Variants in CACNA2D1 observed in about 807,000 individuals in gnomAD.
CACNA2D1 encodes the protein calcium voltage-gated channel auxiliary subunit alpha2delta 1, also known as voltage-dependent calcium channel subunit alpha-2/delta-1.
In CACNA2D1, 53 loss-of-function variants were observed where a neutral mutation model predicts 171.5. The ratio of observed to expected loss-of-function variants is 0.31; its 90% CI spans 0.25 to 0.39. The LOEUF (loss-of-function observed/expected upper bound fraction) is 0.39. Ranked by LOEUF, CACNA2D1 falls within the 10% of genes least tolerant of loss-of-function variation. The probability of loss-of-function intolerance (pLI) is 1.00; values close to 1 mark genes in which losing one functional copy is unlikely to be tolerated. For missense variants in CACNA2D1, 903 were observed against 1,299.8 expected (o/e 0.69, Z 4.69); for synonymous variants, 442 against 443.1 (o/e 1.00, Z 0.03).
At chr7:82,219,443 A>G (rs114232812) in intron 3 of CACNA2D1, among the ~76,000 whole-genome samples, 4,351 of 152,202 alleles carry the variant, frequency 0.029, 195 homozygotes, top group African/African-American at 0.1. Flanking sequence ...AATATTAACA[A>G]AAAATCATTA....
At chr7:82,117,441 C>A (rs770016633) in intron 5 of CACNA2D1, among the ~76,000 whole-genome samples, 2 of 152,032 alleles carry the variant, frequency 1.3e-5, no homozygotes, top group African/African-American at 2.4e-5. Flanking sequence ...CTTTGGGGGA[C>A]GAGGGAGACC....
intron 4 of CACNA2D1, among the ~76,000 whole-genome samples, chr7:82,137,870 T>A (rs930288594): frequency 2.6e-5 from 4 of 151,604 alleles, no homozygotes; most frequent in African/African-American, 9.7e-5. Context: ...AAAAAAAAAA[T>A]TTATTAAAAG....
chr7:82,235,523 T>C (rs1273881052), intron 3 of CACNA2D1, among the ~76,000 whole-genome samples: 1 of 152,146 alleles, frequency 6.6e-6, no homozygotes, highest in Non-Finnish European at 1.5e-5. Flanking sequence ...CCTCACATTA[T>C]CACTTTAAAT....
At chr7:82,106,231 C>T (rs1014623573) in intron 6 of CACNA2D1, among the ~76,000 whole-genome samples, 4 of 151,892 alleles carry the variant, frequency 2.6e-5, no homozygotes, top group African/African-American at 9.7e-5. Context: ...AGATTTTATC[C>T]ACGAAGTCAA....
chr7:82,234,899 T>G (rs1803368329), intron 3 of CACNA2D1, among the ~76,000 whole-genome samples: 1 of 152,178 alleles, frequency 6.6e-6, no homozygotes, highest in African/African-American at 2.4e-5. Context: ...CACAACAGAC[T>G]TCTACCTTAA....
chr7:81,986,780 G>A (rs947067762), intron 21 of CACNA2D1, among the ~76,000 whole-genome samples: 5 of 152,036 alleles, frequency 3.3e-5, no homozygotes, highest in Non-Finnish European at 5.9e-5. Context: ...TTTAAGTGGA[G>A]GCAGAGATTA....
At chr7:82,036,345 T>C (rs1431372727) in intron 11 of CACNA2D1, among the ~76,000 whole-genome samples, 1 of 152,224 alleles carries the variant, frequency 6.6e-6, no homozygotes, top group Non-Finnish European at 1.5e-5. Context: ...CAAGTTCCTA[T>C]ATTGCTCATG....
intron 12 of CACNA2D1, among the ~76,000 whole-genome samples, chr7:82,016,622 C>CAG (rs1800511283): frequency 1.8e-5 from 2 of 112,452 alleles, no homozygotes; most frequent in African/African-American, 3.0e-5. Flanking sequence ...CCCCCCCCCC[C>CAG]AAAAAAAAAG....
intron 10 of CACNA2D1, among the ~76,000 whole-genome samples, chr7:82,060,167 T>TATATATATTATATATATATA (rs1806503012): frequency 2.4e-4 from 3 of 12,622 alleles, no homozygotes; most frequent in Non-Finnish European, 6.2e-4. Context: ...ATATATATAA[T>TATATATATTATATATATATA]ATATATATAT....
chr7:81,962,091 T>G (rs549825772), intron 35 of CACNA2D1, 68 bp from the exon 36 acceptor site: 3 of 1,467,702 alleles, frequency 2.0e-6, no homozygotes, highest in African/African-American at 2.8e-5. Flanking sequence ...GTCACTCCCC[T>G]CGAGTCTTCA....
intron 4 of CACNA2D1, among the ~76,000 whole-genome samples, chr7:82,155,750 A>T (rs576590990): frequency 6.6e-6 from 1 of 152,202 alleles, no homozygotes; most frequent in Non-Finnish European, 1.5e-5. Context: ...TTAAAAAATG[A>T]CAAAGAGTGA....
intron 3 of CACNA2D1, among the ~76,000 whole-genome samples, chr7:82,218,564 T>C (rs1801426708): frequency 6.6e-6 from 1 of 151,820 alleles, no homozygotes; most frequent in Non-Finnish European, 1.5e-5. Flanking sequence ...ACACCACATA[T>C]TTGTAGATTT....
intron 6 of CACNA2D1, among the ~76,000 whole-genome samples, chr7:82,099,422 C>CTTTTTTTTTTTTTTTTTTTTT (rs932080938): frequency 9.9e-5 from 4 of 40,290 alleles, no homozygotes; most frequent in Admixed American, 3.1e-4. Context: ...GCAATACCTT[C>CTTTTTTTTTTTTTTTTTTTTT]TTTTTTTTTT....
intron 7 of CACNA2D1, among the ~76,000 whole-genome samples, chr7:82,081,055 G>A (rs1264712751): frequency 1.3e-5 from 2 of 152,166 alleles, no homozygotes; most frequent in Non-Finnish European, 2.9e-5. Flanking sequence ...GAGTTTAGGA[G>A]ACCTACCTAG....
chr7:81,977,890 G>GA (rs1170680382), intron 24 of CACNA2D1, among the ~76,000 whole-genome samples: 1 of 149,706 alleles, frequency 6.7e-6, no homozygotes, highest in Admixed American at 6.7e-5. Flanking sequence ...AAATTTCCAA[G>GA]AAAAAAACAA....
At chr7:82,004,392 G>A (rs558013887) in intron 18 of CACNA2D1, among the ~76,000 whole-genome samples, 70 of 151,726 alleles carry the variant, frequency 4.6e-4, no homozygotes, top group African/African-American at 1.5e-3. Flanking sequence ...ATGGAAATAC[G>A]TTCCAAAGTC....
At chr7:82,072,348 A>C (rs1375413753) in intron 7 of CACNA2D1, among the ~76,000 whole-genome samples, 2 of 152,078 alleles carry the variant, frequency 1.3e-5, no homozygotes, top group Non-Finnish European at 2.9e-5. Context: ...TGTGCCCATA[A>C]AAATTAAAAA....
In CACNA2D1 at chr7:82,294,178, C is replaced by T. The variant is rs933829211; in HGVS notation, c.294+40957G>A. Among the ~76,000 whole-genome samples, 17 of 152,130 alleles carry T rather than the reference C, an allele frequency of 1.1e-4. 1 individual carries two copies. Among genetic ancestry groups the T allele is most frequent in the South Asian group, 4.2e-4 (2 of 4,810 alleles). The stretch of plus-strand genomic sequence containing the variant: ...CTATTTTAACATAACATAAATTGTT[C>T]GGCTATATTTTAATATGGCTAAATA... On this transcript the variant is annotated intron_variant, in intron 3 of 38. Coordinates refer to ENST00000356860, the MANE Select transcript of CACNA2D1 (RefSeq NM_000722.4).
intron 3 of CACNA2D1, among the ~76,000 whole-genome samples, chr7:82,333,150 C>A (rs1405577811): frequency 6.6e-6 from 1 of 151,952 alleles, no homozygotes; most frequent in Non-Finnish European, 1.5e-5. Context: ...AATAGAAAGA[C>A]AAAATATAAT....
Sources: gnomAD v4.1 joint callset for allele counts (sites outside exome capture counted in the v4.1 genomes callset) on GRCh38, gnomAD v4.1.1 for gene constraint, MANE v1.5 for transcripts, NCBI Gene and HGNC (gene_info 2026-07-23, HGNC 2026-07-21) for gene names.